The following TRIM22 variants were observed in gnomAD, a reference collection of about 807,000 sequenced individuals.
TRIM22 encodes tripartite motif containing 22, also known as E3 ubiquitin-protein ligase TRIM22.
Under a neutral mutation model 53.6 loss-of-function variants are expected in TRIM22, and 45 were observed. That is an observed-to-expected ratio of 0.84 (90% CI 0.66 to 1.08). The LOEUF (loss-of-function observed/expected upper bound fraction) is 1.08. TRIM22 is among the 50% of genes least tolerant of loss of function. The probability of loss-of-function intolerance (pLI) is 0.00; values close to 1 mark genes in which losing one functional copy is unlikely to be tolerated. For synonymous variants in TRIM22, 225 were observed against 216.6 expected, an observed-to-expected ratio of 1.04 and a Z score of -0.34; for missense variants, 616 against 590.9, an observed-to-expected ratio of 1.04 and a Z score of -0.44.
intron 4 of TRIM22, among the ~76,000 whole-genome samples, chr11:5,700,605 T>TTTTTCC (rs369811867): frequency 2.2e-5 from 2 of 92,946 alleles, no homozygotes; most frequent in Non-Finnish European, 4.1e-5. Flanking sequence ...TTTTTTTTTT[T>TTTTTCC]CAGATTTGTA....
At chr11:5,699,710 T>C (rs1853336899) in intron 4 of TRIM22, among the ~76,000 whole-genome samples, 1 of 149,338 alleles carries the variant, frequency 6.7e-6, no homozygotes, top group Non-Finnish European at 1.5e-5. Flanking sequence ...TCCTTGTTAA[T>C]ACTTGATTAT....
At chr11:5,690,972 T>C (rs1240344688) in intron 1 of TRIM22, 1 of 152,264 alleles carries the variant, frequency 6.6e-6, no homozygotes, top group Non-Finnish European at 1.5e-5. Flanking sequence ...ATGCTGTCCA[T>C]AGCTTTCCTG....
intron 5 of TRIM22, 55 bp downstream of exon 5, chr11:5,706,671 TGA>T (rs1486185144): frequency 2.6e-6 from 4 of 1,518,096 alleles, no homozygotes. Flanking sequence ...ATTATAGTCC[TGA>T]GAGATATCTT....
Position 5,696,198 on chromosome 11 carries a change from G to A in TRIM22, c.-35G>A, listed in dbSNP as rs370096235. On this transcript the variant is annotated 5_prime_UTR_variant, in exon 2 of 8. Transcript: ENST00000379965. ...AGGAGTTTGTGACCAAGAACTTCAAGAGTCAAGACAGAAGGAAGCCAAGGG... is the reference window on the plus strand; with the variant it reads ...AGGAGTTTGTGACCAAGAACTTCAAAAGTCAAGACAGAAGGAAGCCAAGGG... 7 of 1,558,398 alleles carry A rather than the reference G, an allele frequency of 4.5e-6. No homozygotes were observed. Among genetic ancestry groups the A allele is most frequent in the Non-Finnish European group, 6.1e-6 (7 of 1,154,102 alleles).
intron 1 of TRIM22, among the ~76,000 whole-genome samples, chr11:5,692,634 G>A (rs777927948): frequency 6.6e-6 from 1 of 152,090 alleles, no homozygotes; most frequent in Non-Finnish European, 1.5e-5. Flanking sequence ...CCTGACCCAA[G>A]GAACAGGGGA....
chr11:5,698,368 A>G lies in TRIM22; in HGVS notation c.573A>G (p.Arg191=). The change falls in exon 4 of 8, where the codon AGA becomes AGG. Residue 191 remains arginine, a synonymous_variant. Coordinates refer to ENST00000379965, the MANE Select transcript of TRIM22 (RefSeq NM_006074.5). The part of the protein sequence containing the change: ...QKILKGFNEM[R]VILDNEEQRE... ...TTCTGAAAGGGTTCAATGAAATGAGAGTCATCTTGGACAATGAGGAGCAGA... is the reference window on the plus strand; with the variant it reads ...TTCTGAAAGGGTTCAATGAAATGAGGGTCATCTTGGACAATGAGGAGCAGA... The G allele has an allele frequency of 1.2e-6, 2 of 1,614,194 alleles. No homozygotes were observed. The highest frequency in any genetic ancestry group is 1.1e-5 in the South Asian group (1 of 91,092).
At chr11:5,708,993 C>G in intron 7 of TRIM22, 60 bp from the exon 8 acceptor site, 1 of 1,297,376 alleles carries the variant, frequency 7.7e-7, no homozygotes, top group Non-Finnish European at 1.1e-6. Context: ...TGTCTCTTCT[C>G]AATGCTGTAA....
At chr11:5,689,953 T>C (rs908110972) in intron 1 of TRIM22, 54 bp downstream of exon 1, 3 of 152,278 alleles carry the variant, frequency 2.0e-5, no homozygotes, top group Non-Finnish European at 2.9e-5. Flanking sequence ...GAAGAATAGA[T>C]TGATTGTGTC....
At chr11:5,696,715 T>A in intron 2 of TRIM22, 60 bp downstream of exon 2, 1 of 1,523,016 alleles carries the variant, frequency 6.6e-7, no homozygotes, top group Non-Finnish European at 8.8e-7. Context: ...TAATGTGAAA[T>A]CTCCACTTTT....
intron 4 of TRIM22, among the ~76,000 whole-genome samples, chr11:5,705,174 A>G (rs1452550675): frequency 6.6e-6 from 1 of 152,170 alleles, no homozygotes; most frequent in East Asian, 1.9e-4. Context: ...TACCAACTTT[A>G]CAGTAATTAT....
chr11:5,693,516 C>A lies in TRIM22; in HGVS notation c.-66-2651C>A, dbSNP rs1484072894. Reference sequence around the variant, plus strand: ...CGGGCAGATCATGAGGTCCGGAGATCGAGACCATCCTGGCTAACACAGTGA... The same window carrying A: ...CGGGCAGATCATGAGGTCCGGAGATAGAGACCATCCTGGCTAACACAGTGA... On this transcript the variant is annotated intron_variant, in intron 1 of 7. Coordinates refer to ENST00000379965, the MANE Select transcript of TRIM22 (RefSeq NM_006074.5). Among the ~76,000 whole-genome samples the A allele has an allele frequency of 1.7e-4, 26 of 151,620 alleles. 1 individual carries two copies. The highest frequency in any genetic ancestry group is 1.7e-3 in the Admixed American group (26 of 15,226).
rs1853529787 is a variant in TRIM22 at position 5,709,751 on chromosome 11, C to T, written c.*103C>T. 1 of 1,022,246 alleles carries T rather than the reference C, an allele frequency of 9.8e-7. No homozygotes were observed. The highest frequency in any genetic ancestry group is 1.6e-5 in the South Asian group (1 of 62,268). 63.3% of individuals were successfully genotyped at this position (1,022,246 alleles called of 1,614,324 possible). A position where few individuals can be genotyped will look rare whatever the true frequency, so the allele number is the denominator to read the frequency against. On this transcript the variant is annotated 3_prime_UTR_variant, in exon 8 of 8. Coordinates refer to ENST00000379965, the MANE Select transcript of TRIM22 (RefSeq NM_006074.5). ...ACTGAGACCATCTCTTCCTTTCTTT[C>T]CCCTTCTTTTACTTAGAATGTCTTT... is the stretch of plus-strand genomic sequence containing the variant.
At position 5,698,495 on chromosome 11, in the gene TRIM22, A is replaced by G; in HGVS notation, c.700A>G (p.Ile234Val). The change falls in exon 4 of 8, where the codon ATC becomes GTC. Residue 234 changes from isoleucine (I) to valine (V), a missense_variant. Physicochemically the swap from Ile to Val is conservative, Grantham distance 29. Coordinates refer to ENST00000379965, the MANE Select transcript of TRIM22 (RefSeq NM_006074.5). ...VQQRQDASTL[I>V]SDLQRRLRGS... ...GCAGAGGCAGGATGCCAGCACGCTC[A>G]TCTCAGATCTCCAGCGGAGGTTGAG... The G allele has an allele frequency of 6.2e-7, 1 of 1,614,002 alleles. No homozygotes were observed. Among genetic ancestry groups the G allele is most frequent in the Non-Finnish European group, 8.5e-7 (1 of 1,179,904 alleles).
rs376298520 is a variant in TRIM22 at position 5,706,574 on chromosome 11, G to A, written c.751-20G>A. The A allele has an allele frequency of 1.2e-5, 20 of 1,611,518 alleles. No individual in the cohort carries two copies. In the African/African-American group the frequency reaches 2.5e-4, roughly 20 times the overall value. Reference sequence around the variant, plus strand: ...ATCTGGCAACCCTATCTTGACTCATGTTTTCTATCTTTTCCCCAGGATGTG... The same window carrying A: ...ATCTGGCAACCCTATCTTGACTCATATTTTCTATCTTTTCCCCAGGATGTG... On this transcript the variant is annotated intron_variant, in intron 4 of 7. Transcript: ENST00000379965.
chr11:5,696,182 T>C lies in TRIM22; in HGVS notation c.-51T>C. On this transcript the variant is annotated 5_prime_UTR_variant, in exon 2 of 8. Transcript: ENST00000379965. ...ACATTCTCAGCACTGCAGGAGTTTG[T>C]GACCAAGAACTTCAAGAGTCAAGAC... is the stretch of plus-strand genomic sequence containing the variant. 6.5e-7 allele frequency: 1 copy of C among 1,540,714 alleles called. No individual in the cohort carries two copies. The highest frequency in any genetic ancestry group is 1.3e-5 in the South Asian group (1 of 78,840).
intron 6 of TRIM22, 126 bp from the exon 7 acceptor site, chr11:5,708,451 C>A: frequency 1.9e-6 from 2 of 1,035,046 alleles, no homozygotes; most frequent in South Asian, 1.6e-5. Context: ...TCTGATTCAT[C>A]CTCTCATTCA....
intron 3 of TRIM22, chr11:5,697,943 T>A (rs1011946324): frequency 9.7e-6 from 2 of 207,024 alleles, no homozygotes; most frequent in African/African-American, 4.6e-5. Flanking sequence ...GACCTTGTGA[T>A]CCACCCATCT....
intron 4 of TRIM22, among the ~76,000 whole-genome samples, chr11:5,701,944 G>C (rs189147922): frequency 6.6e-6 from 1 of 151,618 alleles, no homozygotes; most frequent in African/African-American, 2.4e-5. Context: ...CTTGCTCTTT[G>C]CTTTTTTTTC....
intron 5 of TRIM22, among the ~76,000 whole-genome samples, chr11:5,706,954 GC>G (rs1853468274): frequency 6.6e-6 from 1 of 151,978 alleles, no homozygotes; most frequent in Non-Finnish European, 1.5e-5. Flanking sequence ...CTTTTTATAT[GC>G]CAGACTCCAA....
Sources: gnomAD v4.1 joint callset for allele counts (sites outside exome capture counted in the v4.1 genomes callset) on GRCh38, gnomAD v4.1.1 for gene constraint, MANE v1.5 for transcripts, NCBI Gene and HGNC (gene_info 2026-07-23, HGNC 2026-07-21) for gene names.